The following BMP3 variants were observed in gnomAD, a reference collection of about 807,000 sequenced individuals.
BMP3 encodes bone morphogenetic protein 3, also known as bone morphogenetic protein 3 (osteogenic).
BMP3 carries 23 observed loss-of-function variants against 38.1 expected under a neutral mutation model. The ratio of observed to expected loss-of-function variants is 0.60; its 90% CI spans 0.43 to 0.86. The LOEUF is 0.86. BMP3 is among the 40% of genes least tolerant of loss of function. The pLI is 0.00. For missense variants in BMP3, 628 were observed against 579.6 expected (o/e 1.08, Z -0.86); for synonymous variants, 258 against 225.7 (o/e 1.14, Z -1.28).
At chr4:81,034,226 G>A (rs373329875) in intron 1 of BMP3, among the ~76,000 whole-genome samples, 9 of 130,464 alleles carry the variant, frequency 6.9e-5, no homozygotes, top group South Asian at 3.0e-4. Context: ...TGCCAAAACC[G>A]TAAGTTTGGA....
rs1283903146 is a variant in BMP3 at position 81,045,945 on chromosome 4, A to T, written c.524A>T (p.Asn175Ile). ...LSAWTLKFSR[N>I]QSQLLGHLSV... ...GCATGGACCCTCAAATTCAGCAGAA[A>T]CCAAAGTCAACTCCTTGGCCATCTG... Residue 175 changes from asparagine to isoleucine, a missense_variant, in exon 2 of 3, where the codon AAC (asparagine) becomes ATC (isoleucine). Asn to Ile is a moderately radical substitution (Grantham distance 149). Coordinates refer to ENST00000282701, the MANE Select transcript of BMP3 (RefSeq NM_001201.5). The T allele has an allele frequency of 6.2e-7, 1 of 1,613,976 alleles. No homozygotes were observed. Among genetic ancestry groups the T allele is most frequent in the Admixed American group, 1.7e-5 (1 of 60,002 alleles).
At chr4:81,032,194 C>A (rs940935873) in intron 1 of BMP3, among the ~76,000 whole-genome samples, 148 of 74,036 alleles carry the variant, frequency 2.0e-3, no homozygotes, top group South Asian at 3.9e-3. Flanking sequence ...TCCTTAGTGG[C>A]AAAAAAAAAA....
chr4:81,037,601 A>G (rs77390336), intron 1 of BMP3, among the ~76,000 whole-genome samples: 1,610 of 152,254 alleles, frequency 0.011, 29 homozygotes, highest in African/African-American at 0.036. Flanking sequence ...TAAATTAGGT[A>G]TTCTAACATT....
At chr4:81,053,148 T>C (rs1227854481) in intron 2 of BMP3, among the ~76,000 whole-genome samples, 197 bp from the exon 3 acceptor site, 4 of 152,192 alleles carry the variant, frequency 2.6e-5, no homozygotes, top group African/African-American at 9.7e-5. Flanking sequence ...ATGCCTGGAA[T>C]GCAGCAGGCA....
rs201235501 is a variant in BMP3, at chr4:81,053,441, A to G, written c.1324A>G (p.Met442Val). The G allele has an allele frequency of 6.2e-7, 1 of 1,611,502 alleles. No individual in the cohort carries two copies. The highest frequency in any genetic ancestry group is 8.5e-7 in the Non-Finnish European group (1 of 1,178,668). ...TGAGCCTTGCTGTGTACCAGAAAAG[A>G]TGTCCTCACTCAGTATTTTATTCTT... ...IPEPCCVPEKMSSLSILFFDE... is the reference protein window; with the variant it reads ...IPEPCCVPEKVSSLSILFFDE... Residue 442 changes from methionine (M) to valine (V), a missense_variant, in exon 3 of 3, where the codon ATG becomes GTG. Transcript: ENST00000282701.
chr4:81,050,136 T>C (rs1241229985), intron 2 of BMP3, among the ~76,000 whole-genome samples: 1 of 152,208 alleles, frequency 6.6e-6, no homozygotes, highest in African/African-American at 2.4e-5. Context: ...ACTGGAAGAA[T>C]TGTGGAGTAA....
chr4:81,038,974 G>C (rs1219059950), intron 1 of BMP3, among the ~76,000 whole-genome samples: 1 of 152,170 alleles, frequency 6.6e-6, no homozygotes, highest in African/African-American at 2.4e-5. Context: ...ATCTTTGGCT[G>C]TTTTTACTTT....
chr4:81,051,842 GA>G (rs1421376834), intron 2 of BMP3, among the ~76,000 whole-genome samples: 1 of 151,482 alleles, frequency 6.6e-6, no homozygotes, highest in Admixed American at 6.6e-5. Context: ...AAATCTCTAG[GA>G]AAAAAAAGTA....
chr4:81,048,812 T>A (rs993713432), intron 2 of BMP3, among the ~76,000 whole-genome samples: 1 of 152,218 alleles, frequency 6.6e-6, no homozygotes, highest in Non-Finnish European at 1.5e-5. Flanking sequence ...CCTGGCAAAT[T>A]GCCCTGGATT....
At chr4:81,041,561 A>G (rs1740078197) in intron 1 of BMP3, among the ~76,000 whole-genome samples, 1 of 152,228 alleles carries the variant, frequency 6.6e-6, no homozygotes, top group Admixed American at 6.5e-5. Context: ...TGGGCATAAC[A>G]TAATGCCTTT....
chr4:81,034,100 G>A (rs1406346210), intron 1 of BMP3, among the ~76,000 whole-genome samples: 1 of 152,160 alleles, frequency 6.6e-6, no homozygotes, highest in Admixed American at 6.5e-5. Flanking sequence ...TTTAGCTGCT[G>A]TGGTCTCCCT....
At chr4:81,045,676 G>A in intron 1 of BMP3, 62 bp from the exon 2 acceptor site, 1 of 1,346,826 alleles carries the variant, frequency 7.4e-7, no homozygotes, top group Non-Finnish European at 1.0e-6. Flanking sequence ...TGAGTTAATT[G>A]TCATATAGTG....
intron 2 of BMP3, 106 bp downstream of exon 2, chr4:81,046,754 T>C: frequency 7.6e-7 from 1 of 1,316,394 alleles, no homozygotes; most frequent in East Asian, 2.3e-5. Flanking sequence ...TGTTTGTGTT[T>C]CCATTTGCAA....
intron 1 of BMP3, among the ~76,000 whole-genome samples, chr4:81,034,472 G>A (rs1739867321): frequency 1.3e-5 from 2 of 152,128 alleles, no homozygotes; most frequent in African/African-American, 4.8e-5. Flanking sequence ...TTTTTCTTCT[G>A]TCTTGATCTT....
chr4:81,041,707 A>G (rs899742689), intron 1 of BMP3, among the ~76,000 whole-genome samples: 3 of 152,216 alleles, frequency 2.0e-5, no homozygotes, highest in South Asian at 2.1e-4. Context: ...TATTTAAAAC[A>G]TTGGCAACAT....
chr4:81,048,143 T>C (rs184346253), intron 2 of BMP3, among the ~76,000 whole-genome samples: 95 of 152,262 alleles, frequency 6.2e-4, no homozygotes, highest in Non-Finnish European at 7.4e-4. Flanking sequence ...CTTGCAATTA[T>C]ATAAAGAGCC....
In BMP3 at chr4:81,046,125, T is replaced by G; in HGVS notation, c.704T>G (p.Phe235Cys). ...GRQLPKRRLP[F>C]PEPYILVYAN... ...CAGCTGCCAAAGAGGAGGTTACCTT[T>G]TCCAGAGCCTTATATCTTGGTATAT... Residue 235 changes from phenylalanine to cysteine, a missense_variant, in exon 2 of 3, where the codon TTT becomes TGT. Phe to Cys is a radical substitution (Grantham distance 205). Transcript: ENST00000282701. 2 of 1,614,178 alleles carry G rather than the reference T, an allele frequency of 1.2e-6. No individual in the cohort carries two copies. Among genetic ancestry groups the G allele is most frequent in the Non-Finnish European group, 1.7e-6 (2 of 1,180,030 alleles).
rs1388007092 is a variant in BMP3, at chr4:81,045,744, T to C, written c.323T>C (p.Leu108Pro). 6.3e-7 allele frequency: 1 copy of C among 1,581,818 alleles called. No individual in the cohort carries two copies. The highest frequency in any genetic ancestry group is 1.9e-5 in the Admixed American group (1 of 53,918). The change falls in exon 2 of 3, where the codon CTT becomes CCT. Residue 108 changes from leucine (L) to proline (P), a missense_variant. Coordinates refer to ENST00000282701, the MANE Select transcript of BMP3 (RefSeq NM_001201.5). ...RSFRAAAAET[L>P]ERKGLYIFNL... is the part of the protein sequence containing the mutation. ...CTTTCTTTTTCCTTCCTAGAAACTCTTGAAAGAAAAGGACTGTATATCTTC... is the reference window on the plus strand; with the variant it reads ...CTTTCTTTTTCCTTCCTAGAAACTCCTGAAAGAAAAGGACTGTATATCTTC...
chr4:81,045,398 A>G (rs1188670374), intron 1 of BMP3, among the ~76,000 whole-genome samples: 4 of 151,994 alleles, frequency 2.6e-5, no homozygotes, highest in Non-Finnish European at 4.4e-5. Flanking sequence ...TTATCTTATT[A>G]TGGAAGTTGT....
Sources: allele counts gnomAD v4.1 joint callset (sites outside exome capture counted in the v4.1 genomes callset), GRCh38; gene constraint gnomAD v4.1.1; transcripts MANE v1.5; gene names NCBI Gene and HGNC (gene_info 2026-07-23, HGNC 2026-07-21).